FHIT: variants seen among roughly 807,000 people sequenced by gnomAD.
FHIT encodes the protein fragile histidine triad diadenosine triphosphatase.
FHIT carries 19 observed loss-of-function variants against 17.9 expected under a neutral mutation model. The observed-to-expected ratio is 1.06, with a 90% confidence interval of 0.74 to 1.56. The LOEUF is 1.56. Ranked by LOEUF, FHIT falls within the 40% of genes most tolerant of loss-of-function variation. The probability of loss-of-function intolerance (pLI) is 0.00; values close to 1 mark genes in which losing one functional copy is unlikely to be tolerated. For synonymous variants in FHIT, 81 were observed against 69.7 expected (o/e 1.16, Z -0.81); for missense variants, 248 against 189.2 (o/e 1.31, Z -1.82).
chr3:60,517,176 G>A (rs1172773822), intron 5 of FHIT, among the ~76,000 whole-genome samples: 1 of 152,078 alleles, frequency 6.6e-6, no homozygotes, highest in African/African-American at 2.4e-5. Context: ...TTATTTTAGG[G>A]TTAAGTTAAA....
intron 5 of FHIT, among the ~76,000 whole-genome samples, chr3:60,245,530 A>T (rs1018660278): frequency 2.0e-5 from 3 of 152,130 alleles, no homozygotes; most frequent in Non-Finnish European, 4.4e-5. Context: ...CTAACTGAAC[A>T]TTACAATTTC....
intron 1 of FHIT, among the ~76,000 whole-genome samples, chr3:61,223,482 T>C (rs1304511368): frequency 6.6e-6 from 1 of 152,262 alleles, no homozygotes; most frequent in Non-Finnish European, 1.5e-5. Context: ...CTGCCCCTTG[T>C]AATCCACTGG....
At chr3:60,317,753 C>G (rs1709229958) in intron 5 of FHIT, among the ~76,000 whole-genome samples, 1 of 148,306 alleles carries the variant, frequency 6.7e-6, no homozygotes, top group Non-Finnish European at 1.5e-5. Context: ...CTGGGAAGTA[C>G]TAGTTCAAAA....
At chr3:60,617,126 C>A (rs1019044972) in intron 4 of FHIT, 2 of 218,926 alleles carry the variant, frequency 9.1e-6, no homozygotes, top group South Asian at 7.9e-5. Flanking sequence ...TTTCTTCGTT[C>A]CAAAGGAGCT....
intron 5 of FHIT, among the ~76,000 whole-genome samples, chr3:60,227,655 C>A (rs1704280479): frequency 6.6e-6 from 1 of 152,128 alleles, no homozygotes; most frequent in Admixed American, 6.5e-5. Flanking sequence ...TCATGGATCA[C>A]TGTTTAAAAA....
intron 5 of FHIT, among the ~76,000 whole-genome samples, chr3:60,185,469 G>A (rs1702119263): frequency 6.6e-6 from 1 of 152,116 alleles, no homozygotes; most frequent in Admixed American, 6.5e-5. Flanking sequence ...TTTTATTGCT[G>A]AGTAATGTTC....
At chr3:59,933,048 C>G (rs954072887) in intron 7 of FHIT, among the ~76,000 whole-genome samples, 1 of 151,992 alleles carries the variant, frequency 6.6e-6, no homozygotes, top group Non-Finnish European at 1.5e-5. Context: ...AAAAGAAGTC[C>G]CAGGCTTCTT....
At chr3:60,623,203 T>C (rs1445712283) in intron 4 of FHIT, among the ~76,000 whole-genome samples, 1 of 152,212 alleles carries the variant, frequency 6.6e-6, no homozygotes, top group African/African-American at 2.4e-5. Flanking sequence ...GCGTGGCTGA[T>C]CTATTTGTCA....
intron 3 of FHIT, among the ~76,000 whole-genome samples, chr3:61,016,389 G>A (rs1360104612): frequency 6.6e-6 from 1 of 152,150 alleles, no homozygotes; most frequent in Non-Finnish European, 1.5e-5. Flanking sequence ...AAATAAGAGA[G>A]TAGAACAAAG....
intron 5 of FHIT, among the ~76,000 whole-genome samples, chr3:60,129,922 C>A (rs1699463928): frequency 6.6e-6 from 1 of 152,142 alleles, no homozygotes; most frequent in African/African-American, 2.4e-5. Context: ...CCTTTCCACA[C>A]TGTGTCTGTT....
chr3:61,213,391 G>A (rs2039555531), intron 1 of FHIT, among the ~76,000 whole-genome samples: 1 of 152,264 alleles, frequency 6.6e-6, no homozygotes, highest in Non-Finnish European at 1.5e-5. Context: ...AACCAACAAA[G>A]ATCAAAAGAG....
intron 5 of FHIT, among the ~76,000 whole-genome samples, chr3:60,485,081 T>C (rs2033777594): frequency 6.6e-6 from 1 of 152,044 alleles, no homozygotes; most frequent in East Asian, 1.9e-4. Flanking sequence ...ATCAGAGAAA[T>C]GCAAATCAAA....
chr3:60,831,210 G>A (rs1351170641), intron 3 of FHIT, among the ~76,000 whole-genome samples: 1 of 152,110 alleles, frequency 6.6e-6, no homozygotes, highest in Non-Finnish European at 1.5e-5. Flanking sequence ...TCTCAAAATG[G>A]CACAGAAAGG....
intron 1 of FHIT, among the ~76,000 whole-genome samples, chr3:61,212,096 T>A (rs1279600989): frequency 3.3e-5 from 5 of 152,142 alleles, no homozygotes; most frequent in Admixed American, 3.3e-4. Flanking sequence ...GCAGAGCGCT[T>A]CTCCTCCTCC....
chr3:60,314,899 C>A (rs1358024261), intron 5 of FHIT, among the ~76,000 whole-genome samples: 1 of 152,096 alleles, frequency 6.6e-6, no homozygotes, highest in East Asian at 1.9e-4. Flanking sequence ...GCCTGGGCAA[C>A]ACAGTGAGAG....
chr3:60,550,007 A>G (rs1187201523), intron 4 of FHIT, among the ~76,000 whole-genome samples: 2 of 152,148 alleles, frequency 1.3e-5, no homozygotes, highest in African/African-American at 4.8e-5. Flanking sequence ...AGACACTTCT[A>G]CCAACTGGAG....
chr3:61,091,820 G>A (rs1044447184), intron 2 of FHIT, among the ~76,000 whole-genome samples: 8 of 150,648 alleles, frequency 5.3e-5, no homozygotes, highest in Non-Finnish European at 3.0e-5. Flanking sequence ...CCCACCTGTA[G>A]TCCCAGTTAC....
intron 5 of FHIT, among the ~76,000 whole-genome samples, chr3:60,293,606 A>C (rs1708082073): frequency 6.6e-6 from 1 of 151,780 alleles, no homozygotes; most frequent in Admixed American, 6.6e-5. Context: ...AAGAGCCTAA[A>C]ATATGCCTGC....
In FHIT at chr3:59,953,591, T is replaced by A. The variant is rs1707237027; in HGVS notation, c.280-31177A>T. 2.6e-5 allele frequency among the ~76,000 whole-genome samples: 4 copies of A among 152,134 alleles called. No individual in the cohort carries two copies. In the South Asian group the frequency reaches 8.3e-4, roughly 32 times the overall value. ...CCCAACAAAACTCATGCTGTAGGAA[T>A]CTCCAACATATACAATGAAAGAGTA... On this transcript the variant is annotated intron_variant, in intron 7 of 9. Transcript: ENST00000492590.
Sources: allele counts gnomAD v4.1 joint callset (sites outside exome capture counted in the v4.1 genomes callset), GRCh38; gene constraint gnomAD v4.1.1; transcripts MANE v1.5; gene names NCBI Gene and HGNC (gene_info 2026-07-23, HGNC 2026-07-21).